Variants in CLASP2 observed in about 807,000 individuals in gnomAD.
The protein encoded by CLASP2 is CLIP-associating protein 2.
Under a neutral mutation model 194.4 loss-of-function variants are expected in CLASP2, and 47 were observed. That is an observed-to-expected ratio of 0.24 (90% CI 0.19 to 0.31). CLASP2 has a LOEUF of 0.31. Ranked by LOEUF, CLASP2 falls within the 10% of genes least tolerant of loss-of-function variation. The pLI, the probability that CLASP2 is intolerant of heterozygous loss-of-function variation, is 1.00. For synonymous variants in CLASP2, 619 were observed against 633.5 expected, an observed-to-expected ratio of 0.98 and a Z score of 0.34; for missense variants, 1,445 against 1,823.6, an observed-to-expected ratio of 0.79 and a Z score of 3.78.
chr3:33,535,114 T>A lies in CLASP2; in HGVS notation c.3787+119A>T, dbSNP rs547104399. 6.7e-5 allele frequency: 46 copies of A among 687,130 alleles called. No individual in the cohort carries two copies. The African/African-American group carries it at 7.4e-4, about 11-fold the overall frequency. 42.6% of individuals were successfully genotyped at this position (687,130 alleles called of 1,614,324 possible). On this transcript the variant is annotated intron_variant, in intron 34 of 38. Coordinates refer to ENST00000682230, the MANE Select transcript of CLASP2 (RefSeq NM_001365631.1). ...GTTCCTAGAAGATGGGAGAAAACAT[T>A]CTTATTCTAAAAATTGTTACTTTTT...
chr3:33,555,261 G>A, intron 29 of CLASP2, among the ~76,000 whole-genome samples: 1 of 151,754 alleles, frequency 6.6e-6, no homozygotes, highest in Non-Finnish European at 1.5e-5. Flanking sequence ...AAAAACAAAA[G>A]TTGACCTATT....
At chr3:33,536,255 C>A (rs1286775764) in intron 33 of CLASP2, among the ~76,000 whole-genome samples, 120 of 136,964 alleles carry the variant, frequency 8.8e-4, no homozygotes, top group Admixed American at 9.3e-4. Context: ...AGGGACAGAC[C>A]AAAAAAAAAA....
chr3:33,684,440 A>T lies in CLASP2; in HGVS notation c.563T>A (p.Ile188Lys). 1 of 1,598,964 alleles carries T rather than the reference A, an allele frequency of 6.3e-7. No homozygotes were observed. Among genetic ancestry groups the T allele is most frequent in the Non-Finnish European group, 8.5e-7 (1 of 1,171,470 alleles). ...TCTATAAATCTCCACTATAGCCAATATTGCAGCATCTCTCACCTGTCAAAG... is the reference window on the plus strand; with the variant it reads ...TCTATAAATCTCCACTATAGCCAATTTTGCAGCATCTCTCACCTGTCAAAG... The part of the protein sequence containing the change: ...DSNSQVRDAA[I>K]LAIVEIYRHV... Residue 188 changes from isoleucine to lysine, a missense_variant, in exon 6 of 39, where the codon ATA (isoleucine) becomes AAA (lysine). Physicochemically the swap from Ile to Lys is moderately radical, Grantham distance 102 (BLOSUM62 -3). Transcript: ENST00000682230.
chr3:33,646,889 C>T (rs879108696), intron 7 of CLASP2, among the ~76,000 whole-genome samples: 2 of 152,066 alleles, frequency 1.3e-5, no homozygotes, highest in African/African-American at 2.4e-5. Flanking sequence ...TAACTAGTCT[C>T]GAATTCTAAC....
intron 33 of CLASP2, among the ~76,000 whole-genome samples, chr3:33,536,057 T>C (rs1013148773): frequency 1.3e-5 from 2 of 152,084 alleles, no homozygotes; most frequent in African/African-American, 4.8e-5. Flanking sequence ...ATTACTACCA[T>C]GGGTATCAGC....
At chr3:33,681,774 G>A (rs558245309) in intron 6 of CLASP2, among the ~76,000 whole-genome samples, 5 of 152,310 alleles carry the variant, frequency 3.3e-5, no homozygotes, top group South Asian at 2.1e-4. Context: ...ATCCCTCCAA[G>A]CCTCAAGCTG....
intron 37 of CLASP2, among the ~76,000 whole-genome samples, chr3:33,506,070 T>TA (rs1559767144): frequency 1.3e-5 from 2 of 151,726 alleles, no homozygotes; most frequent in African/African-American, 4.8e-5. Flanking sequence ...TATGACATGA[T>TA]ACTTAGAATT....
At chr3:33,611,291 A>G (rs1026433804) in intron 13 of CLASP2, among the ~76,000 whole-genome samples, 1 of 152,236 alleles carries the variant, frequency 6.6e-6, no homozygotes, top group African/African-American at 2.4e-5. Flanking sequence ...CTTGTAGTCC[A>G]GGATAACCAC....
At chr3:33,625,109 T>C (rs1396927308) in intron 10 of CLASP2, among the ~76,000 whole-genome samples, 4 of 149,448 alleles carry the variant, frequency 2.7e-5, no homozygotes, top group South Asian at 2.1e-4. Flanking sequence ...AGGATGTTTA[T>C]TGAAACACTG....
chr3:33,712,844 C>A (rs2093084678), intron 1 of CLASP2, among the ~76,000 whole-genome samples: 1 of 151,644 alleles, frequency 6.6e-6, no homozygotes, highest in Admixed American at 6.6e-5. Flanking sequence ...TGCCTGTAAT[C>A]CCAGGTACTC....
intron 38 of CLASP2, among the ~76,000 whole-genome samples, chr3:33,501,251 G>GCAAT (rs2046782014): frequency 6.6e-6 from 1 of 152,118 alleles, no homozygotes; most frequent in Non-Finnish European, 1.5e-5. Context: ...TTTTAAATGT[G>GCAAT]CAAGTATTCT....
chr3:33,576,181 C>T lies in CLASP2; in HGVS notation c.2442G>A (p.Val814=). ...LNTGSDVEEA[V]ADALKKPARR... The stretch of plus-strand genomic sequence containing the variant: ...TGGAGAAGAGTACCAAGGCATCTGC[C>T]ACCGCCTCCTCCACATCAGAACCTG... Residue 814 remains valine, a synonymous_variant, in exon 24 of 39, where the codon GTG becomes GTA. Coordinates refer to ENST00000682230, the MANE Select transcript of CLASP2 (RefSeq NM_001365631.1). The T allele has an allele frequency of 6.2e-7, 1 of 1,613,368 alleles. No homozygotes were observed. The highest frequency in any genetic ancestry group is 8.5e-7 in the Non-Finnish European group (1 of 1,179,408).
At chr3:33,690,749 G>A (rs143097869) in intron 2 of CLASP2, among the ~76,000 whole-genome samples, 451 of 152,214 alleles carry the variant, frequency 3.0e-3, no homozygotes, top group South Asian at 0.012. Context: ...CGCTCCATTC[G>A]GTATGGGATG....
chr3:33,534,933 T>C (rs975987685), intron 34 of CLASP2, among the ~76,000 whole-genome samples: 15 of 152,206 alleles, frequency 9.9e-5, no homozygotes, highest in Admixed American at 6.5e-5. Context: ...AATGACCAAA[T>C]AAATTGTGTC....
rs150079425 is a variant in CLASP2 at position 33,596,186 on chromosome 3, T to C, written c.1948+525A>G. Among the ~76,000 whole-genome samples, 635 of 152,158 alleles carry C rather than the reference T, an allele frequency of 4.2e-3. 6 individuals carry two copies. The highest frequency in any genetic ancestry group is 0.014 in the African/African-American group (573 of 41,528). ...GCCACTACAGATAAACTGTAATCAA[T>C]TGAATATTGAAATTAAAAGGGCAAA... On this transcript the variant is annotated intron_variant, in intron 19 of 38. Coordinates refer to ENST00000682230, the MANE Select transcript of CLASP2 (RefSeq NM_001365631.1).
At chr3:33,570,913 C>T (rs1433437914) in intron 25 of CLASP2, 123 bp from the exon 26 acceptor site, 19 of 831,274 alleles carry the variant, frequency 2.3e-5, no homozygotes, top group African/African-American at 7.1e-5. Context: ...TGGTGGCTCA[C>T]GCCTATAATC....
intron 6 of CLASP2, among the ~76,000 whole-genome samples, chr3:33,665,853 A>G (rs1455301084): frequency 6.6e-6 from 1 of 152,210 alleles, no homozygotes; most frequent in Non-Finnish European, 1.5e-5. Context: ...AGAAATAAAC[A>G]ATTTAAGAGC....
chr3:33,634,950 G>A (rs933963652), intron 8 of CLASP2, among the ~76,000 whole-genome samples: 4 of 152,106 alleles, frequency 2.6e-5, no homozygotes, highest in Non-Finnish European at 5.9e-5. Flanking sequence ...AATTTTTAAT[G>A]TAATATTAAA....
chr3:33,625,561 CTCTTT>C (rs2077883591), intron 10 of CLASP2, among the ~76,000 whole-genome samples: 1 of 148,346 alleles, frequency 6.7e-6, no homozygotes, highest in South Asian at 2.1e-4. Context: ...TATGATCTCT[CTCTTT>C]TTTTTTTTTT....
Sources: gnomAD v4.1 joint callset for allele counts (sites outside exome capture counted in the v4.1 genomes callset) on GRCh38, gnomAD v4.1.1 for gene constraint, MANE v1.5 for transcripts, NCBI Gene and HGNC (gene_info 2026-07-23, HGNC 2026-07-21) for gene names.